The following LDB2 variants were observed in gnomAD, a reference collection of about 807,000 sequenced individuals.
LDB2 encodes the protein LIM domain binding 2.
In LDB2, 12 loss-of-function variants were observed where a neutral mutation model predicts 44.3. The ratio of observed to expected loss-of-function variants is 0.27; its 90% CI spans 0.17 to 0.44. The LOEUF (loss-of-function observed/expected upper bound fraction) is 0.44. Ranked by LOEUF, LDB2 falls within the 20% of genes least tolerant of loss-of-function variation. LDB2 has a pLI of 1.00. For missense variants in LDB2, 344 were observed against 473.5 expected (o/e 0.73, Z 2.54); for synonymous variants, 164 against 174.8 (o/e 0.94, Z 0.49).
intron 1 of LDB2, among the ~76,000 whole-genome samples, chr4:16,783,021 A>G (rs1223118270): frequency 2.6e-5 from 4 of 152,234 alleles, no homozygotes; most frequent in Admixed American, 2.6e-4. Flanking sequence ...AGGAGATGAC[A>G]TTTGAGCTGA....
chr4:16,542,940 A>G (rs1734374140), intron 5 of LDB2, among the ~76,000 whole-genome samples: 3 of 86,118 alleles, frequency 3.5e-5, no homozygotes, highest in South Asian at 4.8e-4. Context: ...CCACCCCACC[A>G]TAGGCCCCAG....
At chr4:16,780,893 G>T (rs1207187625) in intron 1 of LDB2, among the ~76,000 whole-genome samples, 1 of 152,174 alleles carries the variant, frequency 6.6e-6, no homozygotes, top group African/African-American at 2.4e-5. Context: ...TATCCACAGT[G>T]AGATGTCTAA....
At chr4:16,611,994 C>T (rs1336234942) in intron 2 of LDB2, among the ~76,000 whole-genome samples, 1 of 151,998 alleles carries the variant, frequency 6.6e-6, no homozygotes, top group African/African-American at 2.4e-5. Flanking sequence ...TGCAAAAGAA[C>T]GGAAATAATA....
chr4:16,578,965 C>G (rs1486385330), intron 5 of LDB2, among the ~76,000 whole-genome samples: 1 of 152,108 alleles, frequency 6.6e-6, no homozygotes, highest in Non-Finnish European at 1.5e-5. Context: ...ATTGCATGTT[C>G]TCATTTATCT....
intron 1 of LDB2, among the ~76,000 whole-genome samples, chr4:16,821,392 T>A (rs914539094): frequency 4.7e-5 from 7 of 150,230 alleles, no homozygotes; most frequent in African/African-American, 1.7e-4. Flanking sequence ...TTTTTATTTT[T>A]TTTTTTTTGG....
chr4:16,761,975 C>G (rs1480246411), intron 1 of LDB2, among the ~76,000 whole-genome samples: 1 of 152,068 alleles, frequency 6.6e-6, no homozygotes, highest in Middle Eastern at 3.2e-3. Flanking sequence ...GAAACCCACA[C>G]TCTGCTAAAA....
chr4:16,624,718 C>A (rs114488430), intron 2 of LDB2, among the ~76,000 whole-genome samples: 2,130 of 152,248 alleles, frequency 0.014, 51 homozygotes, highest in African/African-American at 0.046. Context: ...TAACTTTATT[C>A]ACAATTGAAC....
intron 1 of LDB2, among the ~76,000 whole-genome samples, chr4:16,799,292 T>C (rs1451538373): frequency 2.0e-5 from 3 of 152,230 alleles, no homozygotes; most frequent in Non-Finnish European, 2.9e-5. Flanking sequence ...CAATGTGCTG[T>C]GAACTCCCAA....
At position 16,578,334 on chromosome 4, in the gene LDB2, C is replaced by T. The variant is rs573389305; in HGVS notation, c.615+7588G>A. 1.8e-4 allele frequency among the ~76,000 whole-genome samples: 27 copies of T among 152,052 alleles called. No homozygotes were observed. In the East Asian group the frequency reaches 2.1e-3, roughly 12 times the overall value. On this transcript the variant is annotated intron_variant, in intron 5 of 7. Transcript: ENST00000304523. ...ACAAGGAATTAATAACCATAATACACGAGAAGATCAAAAAACTCTACAGGA... is the reference window on the plus strand; with the variant it reads ...ACAAGGAATTAATAACCATAATACATGAGAAGATCAAAAAACTCTACAGGA...
chr4:16,620,517 T>A (rs1411413958), intron 2 of LDB2, among the ~76,000 whole-genome samples: 1 of 152,182 alleles, frequency 6.6e-6, no homozygotes, highest in African/African-American at 2.4e-5. Flanking sequence ...TTTTCTTGAT[T>A]CCTAAGTTTT....
chr4:16,650,549 T>C (rs937335122), intron 2 of LDB2, among the ~76,000 whole-genome samples: 1 of 152,220 alleles, frequency 6.6e-6, no homozygotes, highest in African/African-American at 2.4e-5. Flanking sequence ...TTATACAACT[T>C]AAAAACAACT....
intron 2 of LDB2, among the ~76,000 whole-genome samples, chr4:16,648,743 T>C (rs1737465728): frequency 6.6e-6 from 1 of 152,216 alleles, no homozygotes; most frequent in Non-Finnish European, 1.5e-5. Flanking sequence ...TTTGCTCCCT[T>C]AAAATTTCTC....
chr4:16,647,187 A>G (rs1224539396), intron 2 of LDB2, among the ~76,000 whole-genome samples: 1 of 152,230 alleles, frequency 6.6e-6, no homozygotes, highest in Non-Finnish European at 1.5e-5. Flanking sequence ...GATTAAGTTC[A>G]GTGAAAGAAG....
At chr4:16,853,391 A>G (rs1788665650) in intron 1 of LDB2, among the ~76,000 whole-genome samples, 1 of 152,206 alleles carries the variant, frequency 6.6e-6, no homozygotes, top group African/African-American at 2.4e-5. Flanking sequence ...GGTGTTCAAC[A>G]TTATTAATAG....
chr4:16,542,056 T>C lies in LDB2; in HGVS notation c.616-29952A>G, dbSNP rs114856633. Among the ~76,000 whole-genome samples, 468 of 121,252 alleles carry C rather than the reference T, an allele frequency of 3.9e-3. 6 individuals are homozygous for C. The highest frequency in any genetic ancestry group is 0.014 in the African/African-American group (440 of 31,524). The allele number at this position is 121,252 out of a possible 152,430, so 79.5% of individuals were successfully genotyped here. A position where few individuals can be genotyped will look rare whatever the true frequency, so the allele number is the denominator to read the frequency against. On this transcript the variant is annotated intron_variant, in intron 5 of 7. Coordinates refer to ENST00000304523, the MANE Select transcript of LDB2 (RefSeq NM_001290.5). Reference sequence around the variant, plus strand: ...GCCCGGCTCCTCACTGACGTGCACATAACAGCAAATCTATAACAATCCTCC... The same window carrying C: ...GCCCGGCTCCTCACTGACGTGCACACAACAGCAAATCTATAACAATCCTCC...
In LDB2 at chr4:16,560,504, C is replaced by A. The variant is rs574266473; in HGVS notation, c.615+25418G>T. On this transcript the variant is annotated intron_variant, in intron 5 of 7. Coordinates refer to ENST00000304523, the MANE Select transcript of LDB2 (RefSeq NM_001290.5). Reference sequence around the variant, plus strand: ...AATTCCTGGACACATACACCCTCCCCAGACTAAACCAGAAAGAAGTTGAAT... The same window carrying A: ...AATTCCTGGACACATACACCCTCCCAAGACTAAACCAGAAAGAAGTTGAAT... Among the ~76,000 whole-genome samples the A allele has an allele frequency of 5.9e-5, 9 of 152,196 alleles. No homozygotes were observed. The East Asian group carries it at 7.7e-4, about 13-fold the overall frequency.
At chr4:16,792,074 A>G (rs1775876507) in intron 1 of LDB2, among the ~76,000 whole-genome samples, 1 of 152,200 alleles carries the variant, frequency 6.6e-6, no homozygotes, top group African/African-American at 2.4e-5. Flanking sequence ...TATACTTCCA[A>G]TACCCTAACA....
At chr4:16,831,408 G>C (rs975081189) in intron 1 of LDB2, among the ~76,000 whole-genome samples, 3 of 152,034 alleles carry the variant, frequency 2.0e-5, no homozygotes, top group Admixed American at 6.5e-5. Context: ...GAAGAGAAGA[G>C]AGAGACATGA....
At chr4:16,514,328 T>C (rs1228688116) in intron 5 of LDB2, among the ~76,000 whole-genome samples, 22 of 152,212 alleles carry the variant, frequency 1.4e-4, no homozygotes, top group Admixed American at 1.4e-3. Flanking sequence ...ATCACACTTT[T>C]GTATCCCTAT....
Sources: gnomAD v4.1 joint callset for allele counts (sites outside exome capture counted in the v4.1 genomes callset) on GRCh38, gnomAD v4.1.1 for gene constraint, MANE v1.5 for transcripts, NCBI Gene and HGNC (gene_info 2026-07-23, HGNC 2026-07-21) for gene names.